The following GGA2 variants were observed in gnomAD, a reference collection of about 807,000 sequenced individuals.
GGA2 encodes the protein golgi associated, gamma adaptin ear containing, ARF binding protein 2.
GGA2 carries 48 observed loss-of-function variants against 79.5 expected under a neutral mutation model. The observed-to-expected ratio is 0.60, with a 90% CI of 0.48 to 0.77. The LOEUF is 0.77. Ranked by LOEUF, GGA2 falls within the 30% of genes least tolerant of loss-of-function variation. The probability of loss-of-function intolerance (pLI) is 0.00; values close to 1 mark genes in which losing one functional copy is unlikely to be tolerated. For synonymous variants in GGA2, 317 were observed against 302.0 expected (o/e 1.05, Z -0.51); for missense variants, 770 against 774.0 (o/e 0.99, Z 0.06).
chr16:23,478,357 A>G lies in GGA2; in HGVS notation c.1292+11T>C, dbSNP rs1964602901. On this transcript the variant is annotated intron_variant, in intron 13 of 16. Coordinates refer to ENST00000309859, the MANE Select transcript of GGA2 (RefSeq NM_015044.4). ...CCACACTCTCCCACTCCCCTTGCCC[A>G]GAAGACTCACAGAGGGCACGGAGCT... 1 of 1,564,920 alleles carries G rather than the reference A, an allele frequency of 6.4e-7. No homozygotes were observed. The highest frequency in any genetic ancestry group is 8.7e-7 in the Non-Finnish European group (1 of 1,154,180).
intron 5 of GGA2, 105 bp downstream of exon 5, chr16:23,491,572 T>C: frequency 1.2e-6 from 1 of 855,836 alleles, no homozygotes; most frequent in Non-Finnish European, 1.8e-6. Context: ...TCTATGGTCC[T>C]ACATAAGAAG....
chr16:23,477,867 T>C (rs1375398115), intron 13 of GGA2, among the ~76,000 whole-genome samples: 6 of 152,108 alleles, frequency 3.9e-5, no homozygotes, highest in Non-Finnish European at 7.4e-5. Context: ...TTACACAGTC[T>C]TGGGTATGTC....
intron 15 of GGA2, 81 bp from the exon 16 acceptor site, chr16:23,469,077 C>A: frequency 2.3e-6 from 2 of 863,400 alleles, no homozygotes. Context: ...GGGAGCTGGA[C>A]CTCCCCAACA....
At chr16:23,478,833 G>C in intron 12 of GGA2, 50 bp downstream of exon 12, 1 of 1,354,568 alleles carries the variant, frequency 7.4e-7, no homozygotes, top group Non-Finnish European at 1.1e-6. Flanking sequence ...ACAAGGGCAG[G>C]TCTGAGACCC....
intron 2 of GGA2, among the ~76,000 whole-genome samples, chr16:23,518,122 A>G (rs1423300120): frequency 1.3e-5 from 2 of 151,652 alleles, no homozygotes; most frequent in Non-Finnish European, 2.9e-5. Context: ...CATGTTGGTC[A>G]GGCTGGTCCC....
At chr16:23,494,536 A>G (rs1453935555) in intron 2 of GGA2, 158 bp from the exon 3 acceptor site, 4 of 641,026 alleles carry the variant, frequency 6.2e-6, no homozygotes, top group Non-Finnish European at 8.4e-6. Flanking sequence ...GGCCCTGGAG[A>G]GGGCCACCTC....
chr16:23,476,030 C>G (rs936429065), intron 13 of GGA2, among the ~76,000 whole-genome samples: 1 of 152,142 alleles, frequency 6.6e-6, no homozygotes, highest in Non-Finnish European at 1.5e-5. Flanking sequence ...CATGTTGTAC[C>G]TGTCGGGCAG....
At chr16:23,488,900 T>C (rs1964748512) in intron 5 of GGA2, among the ~76,000 whole-genome samples, 191 bp from the exon 6 acceptor site, 1 of 152,116 alleles carries the variant, frequency 6.6e-6, no homozygotes, top group Admixed American at 6.5e-5. Context: ...CAAGGGACCA[T>C]GGTGGCCGGG....
intron 16 of GGA2, 52 bp from the exon 17 acceptor site, chr16:23,467,752 C>G: frequency 1.1e-6 from 1 of 873,608 alleles, no homozygotes; most frequent in Non-Finnish European, 2.0e-6. Flanking sequence ...AACCCAGGAA[C>G]AGGGGTCAAT....
chr16:23,479,188 A>C, intron 11 of GGA2: 1 of 540,410 alleles, frequency 1.9e-6, no homozygotes, highest in Non-Finnish European at 3.4e-6. Flanking sequence ...TTGCCTCAGC[A>C]GCAGGTATGT....
At chr16:23,485,409 T>C (rs567480601) in intron 8 of GGA2, among the ~76,000 whole-genome samples, 58 of 152,322 alleles carry the variant, frequency 3.8e-4, no homozygotes, top group African/African-American at 1.3e-3. Context: ...AACTTGCATA[T>C]GCTGCTGTTA....
intron 8 of GGA2, among the ~76,000 whole-genome samples, chr16:23,483,518 G>A (rs978036278): frequency 2.0e-5 from 3 of 152,200 alleles, no homozygotes; most frequent in African/African-American, 7.2e-5. Context: ...ATAAAAAACT[G>A]GAATGCAGAG....
At chr16:23,474,529 T>C (rs939293496) in intron 14 of GGA2, among the ~76,000 whole-genome samples, 5 of 152,204 alleles carry the variant, frequency 3.3e-5, no homozygotes, top group African/African-American at 4.8e-5. Flanking sequence ...AGCTAATGTT[T>C]GTATTTTTTG....
chr16:23,511,173 G>C (rs568025889), upstream of GGA2, among the ~76,000 whole-genome samples: 1 of 151,840 alleles, frequency 6.6e-6, no homozygotes, highest in African/African-American at 2.4e-5. Flanking sequence ...CTTTTTTTGA[G>C]ACGGAGTCTC....
intron 5 of GGA2, among the ~76,000 whole-genome samples, chr16:23,490,570 A>C (rs1248544243): frequency 2.0e-5 from 3 of 152,060 alleles, no homozygotes; most frequent in African/African-American, 7.2e-5. Flanking sequence ...CCCCATCTCT[A>C]CTAAAAATAC....
chr16:23,467,387 AACAC>A lies in GGA2; in HGVS notation c.*199_*202del, dbSNP rs57255054. 38,214 of 323,630 alleles carry A rather than the reference AACAC, an allele frequency of 0.12. 79 individuals are homozygous for A. The highest frequency in any genetic ancestry group is 0.15 in the South Asian group (3,236 of 21,890). The allele number at this position is 323,630 out of a possible 1,614,324, so 20.0% of individuals were successfully genotyped here. A position where few individuals can be genotyped will look rare whatever the true frequency, so the allele number is the denominator to read the frequency against. ...GCCCTGTGCTACCACCCTCTCCCCGAACACACACACACACACACACACACACACA... is the reference window on the plus strand; with the variant it reads ...GCCCTGTGCTACCACCCTCTCCCCGAACACACACACACACACACACACACA... On this transcript the variant is annotated 3_prime_UTR_variant, in exon 17 of 17. Coordinates refer to ENST00000309859, the MANE Select transcript of GGA2 (RefSeq NM_015044.4).
chr16:23,505,826 T>C (rs897930309), intron 1 of GGA2, among the ~76,000 whole-genome samples: 4 of 152,108 alleles, frequency 2.6e-5, no homozygotes, highest in Non-Finnish European at 5.9e-5. Context: ...TCTGCTGAGA[T>C]TGCAGTAGGG....
In GGA2 at chr16:23,480,664, T is replaced by A. The variant is rs1218537946; in HGVS notation, c.987A>T (p.Gly329=). The change falls in exon 10 of 17, where the codon GGA becomes GGT. Residue 329 remains glycine, a synonymous_variant. Transcript: ENST00000309859. The part of the protein sequence containing the change: ...TFGNRVTSSL[G]DIPVSRVFQN... Reference sequence around the variant, plus strand: ...ACATACCTCTGGAGACAGGGATGTCTCCCAATGAGCTGGTCACTCTGTTTC... The same window carrying A: ...ACATACCTCTGGAGACAGGGATGTCACCCAATGAGCTGGTCACTCTGTTTC... The A allele has an allele frequency of 6.2e-7, 1 of 1,613,046 alleles. No homozygotes were observed. The highest frequency in any genetic ancestry group is 1.3e-5 in the African/African-American group (1 of 74,934).
Position 23,494,346 on chromosome 16 carries a change from T to C in GGA2, c.209A>G (p.Lys70Arg), listed in dbSNP as rs369281290. ...TTCCTTCTCTTGCGGAGACTGGATC[T>C]TGTGGGCCAGTAGCCAGGGCGCATG... ...PTHAPWLLAH[K>R]IQSPQEKEAL... is the part of the protein sequence containing the mutation. The change falls in exon 3 of 17, where the codon AAG becomes AGG. Residue 70 changes from lysine to arginine, a missense_variant. By Grantham distance (26) the Lys-to-Arg change is conservative. Coordinates refer to ENST00000309859, the MANE Select transcript of GGA2 (RefSeq NM_015044.4). The C allele has an allele frequency of 6.2e-7, 1 of 1,613,016 alleles. No homozygotes were observed. The highest frequency in any genetic ancestry group is 8.5e-7 in the Non-Finnish European group (1 of 1,179,020).
Sources: gnomAD v4.1 joint callset for allele counts (sites outside exome capture counted in the v4.1 genomes callset) on GRCh38, gnomAD v4.1.1 for gene constraint, MANE v1.5 for transcripts, NCBI Gene and HGNC (gene_info 2026-07-23, HGNC 2026-07-21) for gene names.